PLAC1: variants seen among roughly 807,000 people sequenced by gnomAD.
PLAC1 encodes the protein placenta-specific protein 1.
For synonymous variants in PLAC1, 68 were observed against 62.1 expected, an observed-to-expected ratio of 1.09 and a Z score of -0.44; for missense variants, 136 against 163.2, an observed-to-expected ratio of 0.83 and a Z score of 0.91.
chrX:134,706,899 A>G (rs2078606375), intron 2 of PLAC1, among the ~76,000 whole-genome samples: 1 of 112,165 alleles, frequency 8.9e-6, no homozygotes, highest in South Asian at 3.7e-4. Context: ...AGACTGAAAA[A>G]TATGTATGAA....
At chrX:134,689,251 C>T (rs367650036) in intron 2 of PLAC1, among the ~76,000 whole-genome samples, 60 of 112,039 alleles carry the variant, frequency 5.4e-4, no homozygotes, top group East Asian at 2.3e-3. Flanking sequence ...CACCATGTCA[C>T]GCCTGTGCTC....
intron 2 of PLAC1, among the ~76,000 whole-genome samples, chrX:134,594,908 T>C (rs1043830077): frequency 4.7e-5 from 5 of 107,500 alleles, no homozygotes; most frequent in South Asian, 4.1e-4. Context: ...GCTTGCCTTA[T>C]GTTTATTTGT....
chrX:134,657,872 A>T (rs1040228430), intron 1 of PLAC1, among the ~76,000 whole-genome samples: 5 of 111,879 alleles, frequency 4.5e-5, no homozygotes, highest in Non-Finnish European at 7.5e-5. Flanking sequence ...GGAAGAGAGA[A>T]TGATGAGATG....
At chrX:134,573,799 T>C (rs963977639) in intron 2 of PLAC1, among the ~76,000 whole-genome samples, 7 of 111,533 alleles carry the variant, frequency 6.3e-5, no homozygotes, top group Non-Finnish European at 1.3e-4. Context: ...CCAGAATGCA[T>C]CTTTCCAAAA....
chrX:134,683,014 G>A (rs1390235866), intron 2 of PLAC1, among the ~76,000 whole-genome samples: 1 of 111,955 alleles, frequency 8.9e-6, no homozygotes, highest in East Asian at 2.8e-4. Context: ...CTTTATAAGT[G>A]GTAGAGACAA....
intron 2 of PLAC1, among the ~76,000 whole-genome samples, chrX:134,594,426 T>G: frequency 8.9e-6 from 1 of 112,023 alleles, no homozygotes; most frequent in South Asian, 3.7e-4. Context: ...TTGGGAAATA[T>G]TTCCTCTACT....
chrX:134,647,493 T>A (rs752165096), intron 1 of PLAC1, among the ~76,000 whole-genome samples: 1 of 108,101 alleles, frequency 9.3e-6, no homozygotes, highest in Non-Finnish European at 1.9e-5. Context: ...CCTCTCTGAC[T>A]CCAGGCTTCA....
chrX:134,591,607 T>C (rs1206930893), intron 2 of PLAC1, among the ~76,000 whole-genome samples: 1 of 112,873 alleles, frequency 8.9e-6, no homozygotes, highest in Non-Finnish European at 1.9e-5. Context: ...GTTATAAACA[T>C]TCATGTATGA....
chrX:134,589,318 C>G (rs1406909567), intron 2 of PLAC1, among the ~76,000 whole-genome samples: 5 of 111,507 alleles, frequency 4.5e-5, no homozygotes, highest in Non-Finnish European at 9.4e-5. Context: ...CCCCTGGGCT[C>G]TACTGGATGA....
chrX:134,755,137 A>G (rs2078753552), intron 1 of PLAC1, among the ~76,000 whole-genome samples: 1 of 111,685 alleles, frequency 9.0e-6, no homozygotes, highest in Admixed American at 9.6e-5. Flanking sequence ...TGGAAATTAG[A>G]TGGAAATTAG....
intron 2 of PLAC1, among the ~76,000 whole-genome samples, chrX:134,601,365 TAGA>T (rs2078088251): frequency 8.9e-6 from 1 of 112,123 alleles, no homozygotes; most frequent in Admixed American, 9.5e-5. Context: ...GATAAATCCT[TAGA>T]AGGAGAATTA....
intron 2 of PLAC1, among the ~76,000 whole-genome samples, chrX:134,728,314 C>T (rs1031860133): frequency 1.8e-5 from 2 of 112,078 alleles, no homozygotes; most frequent in Non-Finnish European, 3.8e-5. Context: ...GTAGGATAAA[C>T]TCAAAAATGT....
intron 1 of PLAC1, among the ~76,000 whole-genome samples, chrX:134,627,546 A>C (rs896067270): frequency 8.9e-6 from 1 of 112,559 alleles, no homozygotes; most frequent in Admixed American, 9.4e-5. Context: ...TGAATGCCTA[A>C]GCAGTCACAA....
Position 134,566,544 on chromosome X carries a change from C to T in PLAC1, c.139G>A (p.Asp47Asn). 2 of 1,211,669 alleles carry T rather than the reference C, an allele frequency of 1.7e-6. No individual in the cohort carries two copies. The highest frequency in any genetic ancestry group is 2.2e-6 in the Non-Finnish European group (2 of 895,459). ...AGTTCATGAAAGTGTACACACACAT[C>T]GTTGTTTAGCATGAAGGGGTGCACT... ...VTVHPFMLNN[D>N]VCVHFHELHL... Residue 47 changes from aspartate to asparagine, a missense_variant, in exon 3 of 3, where the codon GAT becomes AAT. Coordinates refer to ENST00000359237, the MANE Select transcript of PLAC1 (RefSeq NM_021796.4).
intron 2 of PLAC1, among the ~76,000 whole-genome samples, chrX:134,725,731 G>A (rs760623671): frequency 8.9e-5 from 10 of 112,151 alleles, no homozygotes; most frequent in South Asian, 3.7e-4. Flanking sequence ...AGTGGCTTAC[G>A]CCTGTAATCC....
intron 1 of PLAC1, among the ~76,000 whole-genome samples, chrX:134,617,641 T>G (rs2078191068): frequency 1.8e-5 from 2 of 111,780 alleles, no homozygotes; most frequent in African/African-American, 6.5e-5. Flanking sequence ...GACTGATGTG[T>G]GTATGTTAAA....
At chrX:134,624,864 C>G (rs1472803424) in intron 1 of PLAC1, among the ~76,000 whole-genome samples, 1 of 110,239 alleles carries the variant, frequency 9.1e-6, no homozygotes, top group Non-Finnish European at 1.9e-5. Flanking sequence ...GAGATCTTGC[C>G]TAATTTGCCT....
At chrX:134,641,699 G>A (rs757507943) in intron 1 of PLAC1, among the ~76,000 whole-genome samples, 1 of 111,971 alleles carries the variant, frequency 8.9e-6, no homozygotes, top group South Asian at 3.8e-4. Context: ...TGCTGATGGT[G>A]TTCCATGATT....
At chrX:134,567,640 A>G (rs1198307129) in intron 2 of PLAC1, among the ~76,000 whole-genome samples, 1 of 108,837 alleles carries the variant, frequency 9.2e-6, no homozygotes, top group African/African-American at 3.3e-5. Flanking sequence ...CGCCTGTAGT[A>G]TGAGCTACTC....
Sources: gnomAD v4.1 joint callset for allele counts (sites outside exome capture counted in the v4.1 genomes callset) on GRCh38, gnomAD v4.1.1 for gene constraint, MANE v1.5 for transcripts, NCBI Gene and HGNC (gene_info 2026-07-23, HGNC 2026-07-21) for gene names.